Variants in PCDHA12 observed in about 807,000 individuals in gnomAD.
PCDHA12 encodes the protein protocadherin alpha-12.
In PCDHA12, 44 loss-of-function variants were observed where a neutral mutation model predicts 60.0. The ratio of observed to expected loss-of-function variants is 0.73; its 90% CI spans 0.58 to 0.94. PCDHA12 has a LOEUF of 0.94. Ranked by LOEUF, PCDHA12 falls within the 40% of genes least tolerant of loss-of-function variation. The pLI is 0.00. For missense variants in PCDHA12, 1,276 were observed against 1,239.7 expected (o/e 1.03, Z -0.44); for synonymous variants, 569 against 553.0 (o/e 1.03, Z -0.40).
At chr5:140,967,239 G>C in intron 1 of PCDHA12, 1 of 1,613,672 alleles carries the variant, frequency 6.2e-7, no homozygotes, top group Non-Finnish European at 8.5e-7. Flanking sequence ...CTTCAGGTAA[G>C]CGAATCGGTG....
Position 141,011,614 on chromosome 5 carries a change from T to C in PCDHA12, c.*1677T>C, listed in dbSNP as rs1268321894. On this transcript the variant is annotated 3_prime_UTR_variant, in exon 4 of 4. Transcript: ENST00000398631. ...GTGATTCAAGGAATTTTATTTATGG[T>C]CCAGCCAAGAGCCATCTCGTGCCAA... 5 of 153,774 alleles carry C rather than the reference T, an allele frequency of 3.3e-5. No individual in the cohort carries two copies. Among genetic ancestry groups the C allele is most frequent in the African/African-American group, 1.2e-4 (5 of 41,460 alleles). 9.5% of individuals were successfully genotyped at this position (153,774 alleles called of 1,614,324 possible). A position where few individuals can be genotyped will look rare whatever the true frequency, so the allele number is the denominator to read the frequency against.
rs372059660 is a variant in PCDHA12 at position 140,877,047 on chromosome 5, C to A, written c.1575C>A (p.His525Gln). The A allele has an allele frequency of 3.3e-5, 53 of 1,612,564 alleles. No individual in the cohort carries two copies. The highest frequency in any genetic ancestry group is 4.3e-5 in the Non-Finnish European group (51 of 1,179,834). Residue 525 changes from histidine to glutamine, a missense_variant, in exon 1 of 4, where the codon CAC becomes CAA. Transcript: ENST00000398631. The part of the protein sequence containing the change: ...GKVYALQPLD[H>Q]EELELLQFQV... ...TGTACGCGCTGCAGCCGCTAGACCA[C>A]GAGGAGCTGGAGCTGCTGCAGTTCC... is the stretch of plus-strand genomic sequence containing the variant.
chr5:140,877,489 G>C lies in PCDHA12; in HGVS notation c.2017G>C (p.Gly673Arg), dbSNP rs782165291. The C allele has an allele frequency of 1.9e-6, 3 of 1,613,844 alleles. No individual in the cohort carries two copies. Among genetic ancestry groups the C allele is most frequent in the Non-Finnish European group, 1.7e-6 (2 of 1,179,858 alleles). The change falls in exon 1 of 4, where the codon GGC becomes CGC. Residue 673 changes from glycine (G) to arginine (R), a missense_variant. Coordinates refer to ENST00000398631, the MANE Select transcript of PCDHA12 (RefSeq NM_018903.4). Reference sequence around the variant, plus strand: ...GGTGCTGGTGTCGCTGGTGGAGAACGGCCAGGCCCCAAAGACGTCGTCGCG... The same window carrying C: ...GGTGCTGGTGTCGCTGGTGGAGAACCGCCAGGCCCCAAAGACGTCGTCGCG... ...ATVLVSLVEN[G>R]QAPKTSSRAS...
chr5:140,882,926 C>A (rs144073627), intron 1 of PCDHA12: 1 of 1,614,058 alleles, frequency 6.2e-7, no homozygotes, highest in Non-Finnish European at 8.5e-7. Flanking sequence ...TGGAGGTAAA[C>A]CCGAGCTGAC....
intron 1 of PCDHA12, among the ~76,000 whole-genome samples, chr5:140,953,309 G>A (rs563699783): frequency 1.3e-5 from 2 of 152,220 alleles, no homozygotes; most frequent in East Asian, 1.9e-4. Flanking sequence ...AGAGATGTGG[G>A]AAGAATTTGA....
intron 1 of PCDHA12, among the ~76,000 whole-genome samples, chr5:140,879,151 T>C (rs1409921025): frequency 6.6e-6 from 1 of 152,216 alleles, no homozygotes; most frequent in Non-Finnish European, 1.5e-5. Flanking sequence ...GCAGGAAAGC[T>C]ATTTCTTTTT....
intron 1 of PCDHA12, among the ~76,000 whole-genome samples, chr5:140,917,726 G>A (rs1192405804): frequency 6.6e-6 from 1 of 152,114 alleles, no homozygotes; most frequent in Admixed American, 6.6e-5. Flanking sequence ...TTATTTCTGG[G>A]TTCTCTAACC....
rs1554206132 is a variant in PCDHA12, at chr5:140,928,678, C to A, written c.2368-50271C>A. 3.1e-6 allele frequency: 5 copies of A among 1,614,192 alleles called. No individual in the cohort carries two copies. The East Asian group carries it at 1.1e-4, about 36-fold the overall frequency. ...TGCTGACAGTGGTTCTAATGCCTGGCTTTCCTACCACATCTCCCGGGCGTC... is the reference window on the plus strand; with the variant it reads ...TGCTGACAGTGGTTCTAATGCCTGGATTTCCTACCACATCTCCCGGGCGTC... On this transcript the variant is annotated intron_variant, in intron 1 of 3. Coordinates refer to ENST00000398631, the MANE Select transcript of PCDHA12 (RefSeq NM_018903.4).
chr5:140,883,263 G>T (rs562257406), intron 1 of PCDHA12: 2 of 1,613,988 alleles, frequency 1.2e-6, no homozygotes, highest in Admixed American at 1.7e-5. Flanking sequence ...CCAATGGCGG[G>T]TCATTGTACC....
chr5:140,970,473 CA>C (rs1177454514), intron 1 of PCDHA12, among the ~76,000 whole-genome samples: 4 of 151,956 alleles, frequency 2.6e-5, no homozygotes, highest in African/African-American at 9.7e-5. Flanking sequence ...GGTATAAGGC[CA>C]GCTTGTTCAT....
rs782365798 is a variant in PCDHA12 at position 140,876,815 on chromosome 5, T to G, written c.1343T>G (p.Val448Gly). ...AGAGTGTCCGTGGAGGTGGCCGACG[T>G]GAACGACAATGCGCCTGCGTTCGCG... ...TARVSVEVADVNDNAPAFAQP... is the reference protein window; with the variant it reads ...TARVSVEVADGNDNAPAFAQP... Residue 448 changes from valine (V) to glycine (G), a missense_variant, in exon 1 of 4, where the codon GTG becomes GGG. By Grantham distance (109) the Val-to-Gly change is moderately radical. Transcript: ENST00000398631. 1 of 1,614,148 alleles carries G rather than the reference T, an allele frequency of 6.2e-7. No homozygotes were observed. The highest frequency in any genetic ancestry group is 1.1e-5 in the South Asian group (1 of 91,086).
chr5:140,987,075 G>C (rs564788093), intron 3 of PCDHA12, among the ~76,000 whole-genome samples: 1 of 152,006 alleles, frequency 6.6e-6, no homozygotes, highest in Admixed American at 6.5e-5. Context: ...TGAGCTGGGC[G>C]TGGTGGCAGG....
chr5:140,936,079 G>T (rs1341534865), intron 1 of PCDHA12, among the ~76,000 whole-genome samples: 2 of 152,008 alleles, frequency 1.3e-5, no homozygotes, highest in African/African-American at 4.8e-5. Context: ...TTTTAGTAGA[G>T]ACAGGGTTTC....
rs562081561 is a variant in PCDHA12 at position 140,927,834 on chromosome 5, C to T, written c.2367+49995C>T. 1.2e-5 allele frequency: 19 copies of T among 1,614,138 alleles called. No homozygotes were observed. In the East Asian group the frequency reaches 2.2e-4, roughly 19 times the overall value. ...TGGAGGCATACATTGAGGCGAGGGA[C>T]GAAGGTGTCTTTGGTTTAGCTAGCA... On this transcript the variant is annotated intron_variant, in intron 1 of 3. Coordinates refer to ENST00000398631, the MANE Select transcript of PCDHA12 (RefSeq NM_018903.4).
At chr5:141,007,459 T>A (rs1323177537) in intron 3 of PCDHA12, among the ~76,000 whole-genome samples, 1 of 149,426 alleles carries the variant, frequency 6.7e-6, no homozygotes, top group Non-Finnish European at 1.5e-5. Context: ...TCCCAGCTAC[T>A]CAGGAGGCTG....
chr5:141,010,545 A>G lies in PCDHA12; in HGVS notation c.*608A>G. On this transcript the variant is annotated 3_prime_UTR_variant, in exon 4 of 4. Coordinates refer to ENST00000398631, the MANE Select transcript of PCDHA12 (RefSeq NM_018903.4). ...GGTGGCAGCCACCCTCTAGGAGACAAAACTACCCCCACTGACAAGGCTTTA... is the reference window on the plus strand; with the variant it reads ...GGTGGCAGCCACCCTCTAGGAGACAGAACTACCCCCACTGACAAGGCTTTA... 1 of 343,382 alleles carries G rather than the reference A, an allele frequency of 2.9e-6. No individual in the cohort carries two copies. 21.3% of individuals were successfully genotyped at this position (343,382 alleles called of 1,614,324 possible).
intron 1 of PCDHA12, among the ~76,000 whole-genome samples, chr5:140,976,726 T>C (rs2096728998): frequency 6.6e-6 from 1 of 152,202 alleles, no homozygotes; most frequent in East Asian, 1.9e-4. Context: ...TTCATTTATT[T>C]AAACACATTT....
intron 1 of PCDHA12, among the ~76,000 whole-genome samples, chr5:140,891,611 T>G (rs1457156522): frequency 6.6e-6 from 1 of 152,226 alleles, no homozygotes; most frequent in East Asian, 1.9e-4. Context: ...TTTCTACCTT[T>G]TATTTTAACA....
At chr5:140,878,002 C>T in intron 1 of PCDHA12, 163 bp downstream of exon 1, 1 of 1,005,678 alleles carries the variant, frequency 9.9e-7, no homozygotes. Flanking sequence ...ATGTATTTGT[C>T]TAACATTAAT....
Sources: allele counts gnomAD v4.1 joint callset (sites outside exome capture counted in the v4.1 genomes callset), GRCh38; gene constraint gnomAD v4.1.1; transcripts MANE v1.5; gene names NCBI Gene and HGNC (gene_info 2026-07-23, HGNC 2026-07-21).